The following KLF8 variants were observed in gnomAD, a reference collection of about 807,000 sequenced individuals.
KLF8 encodes KLF transcription factor 8, also known as Krueppel-like factor 8.
A neutral mutation model predicts 18.2 loss-of-function variants in KLF8; 10 were observed. The observed-to-expected ratio is 0.55, with a 90% CI of 0.34 to 0.93. The LOEUF is 0.93. KLF8 is among the 40% of genes least tolerant of loss of function. KLF8 has a pLI of 0.02. For missense variants in KLF8, 264 were observed against 277.9 expected, an observed-to-expected ratio of 0.95 and a Z score of 0.36; for synonymous variants, 109 against 97.3, an observed-to-expected ratio of 1.12 and a Z score of -0.71.
chrX:56,085,942 G>T, the KLF8 span, among the ~76,000 whole-genome samples: 4 of 112,119 alleles, frequency 3.6e-5, no homozygotes, highest in African/African-American at 1.3e-4. Flanking sequence ...GTCGAAGTCA[G>T]TGAGGGCTTA....
the KLF8 span, among the ~76,000 whole-genome samples, chrX:56,147,909 C>T: frequency 1.3e-4 from 15 of 112,045 alleles, no homozygotes; most frequent in African/African-American, 3.2e-4. Context: ...GCCTGGGAGG[C>T]GGAGGTTACA....
At chrX:55,985,492 T>G in the KLF8 span, among the ~76,000 whole-genome samples, 8 of 111,882 alleles carry the variant, frequency 7.2e-5, no homozygotes, top group East Asian at 2.2e-3. Context: ...AATGTGTCTG[T>G]TTTTGTACCA....
At chrX:56,218,026 A>G in the KLF8 span, among the ~76,000 whole-genome samples, 3 of 110,788 alleles carry the variant, frequency 2.7e-5, no homozygotes, top group Admixed American at 2.9e-4. Context: ...CTGAGCAGCC[A>G]TTGCATCAGT....
the KLF8 span, among the ~76,000 whole-genome samples, chrX:56,107,707 G>T: frequency 9.0e-6 from 1 of 111,041 alleles, no homozygotes; most frequent in Admixed American, 9.6e-5. Context: ...TCTGCTTCAG[G>T]TCGCCCTCCG....
chrX:55,935,660 A>G, the KLF8 span, among the ~76,000 whole-genome samples: 16 of 112,485 alleles, frequency 1.4e-4, no homozygotes, highest in Non-Finnish European at 2.6e-4. Flanking sequence ...TCTCAAAAAC[A>G]TAATATTAGA....
chrX:55,980,895 A>C, the KLF8 span, among the ~76,000 whole-genome samples: 1 of 112,570 alleles, frequency 8.9e-6, no homozygotes, highest in Admixed American at 9.3e-5. Context: ...AGTCTGAGGT[A>C]AAATTATTTT....
chrX:55,990,573 G>T, the KLF8 span, among the ~76,000 whole-genome samples: 3 of 111,969 alleles, frequency 2.7e-5, no homozygotes, highest in Admixed American at 2.8e-4. Context: ...GAGGAGAGGC[G>T]CTCTGATTTT....
At chrX:56,043,765 G>A in the KLF8 span, among the ~76,000 whole-genome samples, 23 of 112,279 alleles carry the variant, frequency 2.0e-4, no homozygotes, top group African/African-American at 5.8e-4. Context: ...TTAGCTCAGC[G>A]AAGTTGATTA....
At chrX:56,152,999 T>C in the KLF8 span, among the ~76,000 whole-genome samples, 37 of 111,944 alleles carry the variant, frequency 3.3e-4, no homozygotes, top group African/African-American at 9.7e-4. Context: ...TTTCATACTT[T>C]TAAAAATCAT....
chrX:55,910,697 T>G, the KLF8 span, among the ~76,000 whole-genome samples: 1 of 112,227 alleles, frequency 8.9e-6, no homozygotes, highest in Admixed American at 9.4e-5. Context: ...TAACAATCAT[T>G]CTATTTGAAA....
rs1168980360 is a variant in KLF8 at position 56,263,033 on chromosome X, G to C, written c.82-2147G>C. Among the ~76,000 whole-genome samples the C allele has an allele frequency of 4.5e-5, 5 of 112,204 alleles. No homozygotes were observed. The Admixed American group carries it at 4.7e-4, about 11-fold the overall frequency. ...CATTTTTTCTTTTGAAGATTCCTTG[G>C]ATTCTATCTTTTTAATCTGGGAATG... On this transcript the variant is annotated intron_variant, in intron 2 of 5. Coordinates refer to ENST00000468660, the MANE Select transcript of KLF8 (RefSeq NM_007250.5).
the KLF8 span, among the ~76,000 whole-genome samples, chrX:56,000,736 T>C: frequency 1.8e-5 from 2 of 111,850 alleles, no homozygotes; most frequent in African/African-American, 6.5e-5. Context: ...ATTCTCTTTT[T>C]TGTGAATCTA....
At chrX:56,131,410 G>C in the KLF8 span, among the ~76,000 whole-genome samples, 4 of 111,356 alleles carry the variant, frequency 3.6e-5, no homozygotes, top group African/African-American at 1.3e-4. Flanking sequence ...ATGAAGGAAA[G>C]ATACAGTCTT....
the KLF8 span, among the ~76,000 whole-genome samples, chrX:56,032,618 A>T: frequency 8.9e-6 from 1 of 111,873 alleles, no homozygotes; most frequent in Admixed American, 9.5e-5. Flanking sequence ...CTTTTACTCA[A>T]CATTTTTCTC....
the KLF8 span, among the ~76,000 whole-genome samples, chrX:56,188,387 T>C: frequency 9.0e-6 from 1 of 111,198 alleles, no homozygotes; most frequent in South Asian, 3.8e-4. Context: ...AAAAAAATGG[T>C]AGAACATTCC....
chrX:56,018,742 T>C, the KLF8 span, among the ~76,000 whole-genome samples: 1 of 111,402 alleles, frequency 9.0e-6, no homozygotes, highest in South Asian at 3.7e-4. Flanking sequence ...GTAAAAATTG[T>C]TAAATATTAG....
chrX:56,000,038 A>G, the KLF8 span, among the ~76,000 whole-genome samples: 19 of 111,529 alleles, frequency 1.7e-4, no homozygotes, highest in Non-Finnish European at 3.4e-4. Flanking sequence ...TTTATTGAAG[A>G]TCCAAGTCAT....
the KLF8 span, among the ~76,000 whole-genome samples, chrX:56,085,335 G>A: frequency 8.9e-6 from 1 of 112,220 alleles, no homozygotes; most frequent in African/African-American, 3.2e-5. Flanking sequence ...CCATCTGCAA[G>A]CTGGTGACTC....
At chrX:56,123,299 G>GAAAGAGAA in the KLF8 span, among the ~76,000 whole-genome samples, 2 of 102,874 alleles carry the variant, frequency 1.9e-5, no homozygotes, top group East Asian at 3.0e-4. Flanking sequence ...AAGAAAGAAA[G>GAAAGAGAA]AGAAAGAAAG....
Sources: gnomAD v4.1 joint callset for allele counts (sites outside exome capture counted in the v4.1 genomes callset) on GRCh38, gnomAD v4.1.1 for gene constraint, MANE v1.5 for transcripts, NCBI Gene and HGNC (gene_info 2026-07-23, HGNC 2026-07-21) for gene names.